ADAR: variants seen among roughly 807,000 people sequenced by gnomAD.
ADAR encodes the protein double-stranded RNA-specific adenosine deaminase.
Under a neutral mutation model 113.2 loss-of-function variants are expected in ADAR, and 41 were observed. The ratio of observed to expected loss-of-function variants is 0.36; its 90% CI spans 0.28 to 0.47. The LOEUF (loss-of-function observed/expected upper bound fraction) is 0.47. Among genes scored for constraint, ADAR ranks in the 20% least tolerant of loss-of-function variants. The pLI is 1.00. For synonymous variants in ADAR, 605 were observed against 572.6 expected (o/e 1.06, Z -0.81); for missense variants, 1,242 against 1,540.9 (o/e 0.81, Z 3.25).
intron 9 of ADAR, 93 bp downstream of exon 9, chr1:154,589,276 G>T: frequency 1.0e-6 from 1 of 973,834 alleles, no homozygotes; most frequent in Non-Finnish European, 1.7e-6. Context: ...GTCTGTCTGA[G>T]GGGGATTCAG....
At chr1:154,615,727 A>C (rs537235135) in intron 1 of ADAR, among the ~76,000 whole-genome samples, 6 of 152,162 alleles carry the variant, frequency 3.9e-5, no homozygotes, top group Non-Finnish European at 8.8e-5. Context: ...TTTTTTAGTT[A>C]AGCCAAACAG....
Position 154,602,499 on chromosome 1 carries a change from T to C in ADAR, c.143A>G (p.Lys48Arg). 1 of 1,614,210 alleles carries C rather than the reference T, an allele frequency of 6.2e-7. No homozygotes were observed. The highest frequency in any genetic ancestry group is 8.5e-7 in the Non-Finnish European group (1 of 1,180,024). ...SFLLKQIEFLKGQLPEAPVIG... is the reference protein window; with the variant it reads ...SFLLKQIEFLRGQLPEAPVIG... ...CACCGGTGCTTCTGGGAGCTGCCCC[T>C]TGAGAAATTCTATTTGCTTAAGCAG... is the stretch of plus-strand genomic sequence containing the variant. The change falls in exon 2 of 15, where the codon AAG (lysine) becomes AGG (arginine). Residue 48 changes from lysine to arginine, a missense_variant. Around this residue, in one of 2 missense-constraint regions of ADAR, gnomAD observed 462 missense variants for 483.1 expected, o/e 0.96. Transcript: ENST00000368474.
chr1:154,589,195 G>C (rs906764681), intron 9 of ADAR, among the ~76,000 whole-genome samples, 174 bp downstream of exon 9: 5 of 152,224 alleles, frequency 3.3e-5, no homozygotes, highest in African/African-American at 2.4e-5. Context: ...CTCACAGAGG[G>C]GATGGATTCC....
chr1:154,624,251 T>C (rs190060365), intron 1 of ADAR, among the ~76,000 whole-genome samples: 100 of 152,212 alleles, frequency 6.6e-4, no homozygotes, highest in African/African-American at 1.8e-3. Context: ...TAATATACAG[T>C]CCTTTTGGAG....
chr1:154,589,265 CGTCT>C, intron 9 of ADAR, 100 bp downstream of exon 9: 3 of 895,610 alleles, frequency 3.3e-6, no homozygotes, highest in South Asian at 1.3e-5. Context: ...CATCATGACC[CGTCT>C]GTCTGAGGGG....
chr1:154,602,673 G>T, intron 1 of ADAR, 47 bp from the exon 2 acceptor site: 1 of 1,605,216 alleles, frequency 6.2e-7, no homozygotes. Flanking sequence ...GGGCTGCAGT[G>T]GTGAACCTGT....
rs1697858317 is a variant in ADAR, at chr1:154,601,332, T to C, written c.1310A>G (p.His437Arg). ...CCCTGCTTTTGAGGGGCCATTGTAA[T>C]GAACAGGTGGTTTCAGTCTTGCTGG... ...PEPARLKPPVHYNGPSKAGYV... is the reference protein window; with the variant it reads ...PEPARLKPPVRYNGPSKAGYV... Residue 437 changes from histidine (H) to arginine (R), a missense_variant, in exon 2 of 15, where the codon CAT becomes CGT. Around this residue, in one of 2 missense-constraint regions of ADAR, gnomAD observed 780 missense variants for 1,057.9 expected, o/e 0.74. Transcript: ENST00000368474. This position sits in a 1 kb window ranked among gnomAD's most constrained non-coding sequence, Gnocchi z 4.7. The C allele has an allele frequency of 6.2e-7, 1 of 1,614,158 alleles. No individual in the cohort carries two copies. The highest frequency in any genetic ancestry group is 8.5e-7 in the Non-Finnish European group (1 of 1,180,062).
At chr1:154,610,212 C>G (rs1698439151), upstream of ADAR, among the ~76,000 whole-genome samples, 1 of 152,146 alleles carries the variant, frequency 6.6e-6, no homozygotes, top group Non-Finnish European at 1.5e-5. Flanking sequence ...CTACAGGAAA[C>G]CAGTTTACCA....
At chr1:154,608,366 T>C (rs986136929), upstream of ADAR, among the ~76,000 whole-genome samples, 2 of 151,722 alleles carry the variant, frequency 1.3e-5, no homozygotes, top group African/African-American at 4.8e-5. Context: ...CTCGCTCTTT[T>C]TGCCCAGGCT....
At chr1:154,618,939 G>A (rs776443645) in intron 1 of ADAR, among the ~76,000 whole-genome samples, 7 of 152,186 alleles carry the variant, frequency 4.6e-5, no homozygotes, top group African/African-American at 1.2e-4. Context: ...GCGAAACCCC[G>A]TCTCTACTAA....
chr1:154,588,384 T>A (rs1696903777), intron 10 of ADAR, 126 bp from the exon 11 acceptor site: 1 of 1,504,058 alleles, frequency 6.6e-7, no homozygotes, highest in Non-Finnish European at 9.2e-7. Flanking sequence ...AGACTGGAGG[T>A]GGACAGCAGT....
In ADAR at chr1:154,590,176, G is replaced by A. The variant is rs770464278; in HGVS notation, c.2496+8C>T. On this transcript the variant is annotated splice_region_variant and intron_variant, in intron 7 of 14. Transcript: ENST00000368474. The stretch of plus-strand genomic sequence containing the variant: ...CCCAAAAAAGGCACCAAAAGTAGAC[G>A]TCTTAACTGTCTTTGGCTGTGCTTC... The A allele has an allele frequency of 2.5e-5, 39 of 1,591,486 alleles. No homozygotes were observed. The highest frequency in any genetic ancestry group is 1.0e-4 in the Admixed American group (6 of 59,068).
At chr1:154,603,643 A>G (rs1698020701) in intron 1 of ADAR, among the ~76,000 whole-genome samples, 1 of 151,536 alleles carries the variant, frequency 6.6e-6, no homozygotes, top group Non-Finnish European at 1.5e-5. Flanking sequence ...CCACCCACCC[A>G]CCTGCAAACC....
intron 1 of ADAR, among the ~76,000 whole-genome samples, chr1:154,622,182 C>T (rs1041332374): frequency 1.3e-5 from 2 of 152,128 alleles, no homozygotes; most frequent in Non-Finnish European, 2.9e-5. Context: ...GCCACATATC[C>T]TGCGGCAGAG....
intron 6 of ADAR, among the ~76,000 whole-genome samples, chr1:154,596,133 G>A (rs1697477699): frequency 2.0e-5 from 3 of 152,290 alleles, no homozygotes; most frequent in African/African-American, 4.8e-5. Flanking sequence ...TTCTCAGACC[G>A]CATCCCAGTT....
chr1:154,596,863 G>A lies in ADAR; in HGVS notation c.2212C>T (p.His738Tyr). The A allele has an allele frequency of 6.2e-7, 1 of 1,614,152 alleles. No individual in the cohort carries two copies. The highest frequency in any genetic ancestry group is 1.1e-5 in the South Asian group (1 of 91,072). ...AACTTGAATTCAGCAGCAAAGCCATGGGAGCGGGCGTACTCCAAAAGGCCA... is the reference window on the plus strand; with the variant it reads ...AACTTGAATTCAGCAGCAAAGCCATAGGAGCGGGCGTACTCCAAAAGGCCA... ...VGGLLEYARS[H>Y]GFAAEFKLVD... Residue 738 changes from histidine to tyrosine, a missense_variant, in exon 6 of 15, where the codon CAT (histidine) becomes TAT (tyrosine). His to Tyr is a moderately conservative substitution (Grantham distance 83, BLOSUM62 2). Coordinates refer to ENST00000368474, the MANE Select transcript of ADAR (RefSeq NM_001111.5).
chr1:154,605,877 G>T, intron 1 of ADAR: 1 of 642,742 alleles, frequency 1.6e-6, no homozygotes, highest in Non-Finnish European at 1.9e-6. Flanking sequence ...TTTCAAAGTG[G>T]CTAGAGTCAG....
At chr1:154,599,416 TG>T (rs895611146) in intron 2 of ADAR, among the ~76,000 whole-genome samples, 4 of 152,192 alleles carry the variant, frequency 2.6e-5, no homozygotes, top group African/African-American at 9.6e-5. Flanking sequence ...CCTCCAACTC[TG>T]GGGAGGAGGG....
chr1:154,623,640 G>A (rs1254495343), intron 1 of ADAR, among the ~76,000 whole-genome samples: 1 of 152,062 alleles, frequency 6.6e-6, no homozygotes, highest in Non-Finnish European at 1.5e-5. Flanking sequence ...AATTTACAAC[G>A]CTAAAAGACA....
Sources: allele counts gnomAD v4.1 joint callset (sites outside exome capture counted in the v4.1 genomes callset), GRCh38; gene constraint gnomAD v4.1.1; regional missense constraint gnomAD v4.1.1; non-coding constraint Gnocchi (gnomAD v3.1); transcripts MANE v1.5; gene names NCBI Gene and HGNC (gene_info 2026-07-23, HGNC 2026-07-21).